The following OXR1 variants were observed in gnomAD, a reference collection of about 807,000 sequenced individuals.
OXR1 encodes oxidation resistance protein 1.
Under a neutral mutation model 104.6 loss-of-function variants are expected in OXR1, and 41 were observed. The ratio of observed to expected loss-of-function variants is 0.39; its 90% CI spans 0.31 to 0.51. The LOEUF (loss-of-function observed/expected upper bound fraction) is 0.51. Among genes scored for constraint, OXR1 ranks in the 20% least tolerant of loss-of-function variants. The probability of loss-of-function intolerance (pLI) is 0.77; values close to 1 mark genes in which losing one functional copy is unlikely to be tolerated. For missense variants in OXR1, 955 were observed against 1,031.9 expected (o/e 0.93, Z 1.02); for synonymous variants, 348 against 348.4 (o/e 1.00, Z 0.01).
chr8:106,607,571 G>C (rs1324795923), intron 3 of OXR1, among the ~76,000 whole-genome samples: 1 of 152,112 alleles, frequency 6.6e-6, no homozygotes, highest in East Asian at 1.9e-4. Context: ...ACTCCCTGGA[G>C]GTCTCAGGTC....
At position 106,411,129 on chromosome 8, in the gene OXR1, T is replaced by C. The variant is rs73701518; in HGVS notation, c.23+51493T>C. On this transcript the variant is annotated intron_variant, in intron 2 of 16. Transcript: ENST00000517566. ...AAAGCATTTTATGATATGGGACTGA[T>C]TTATAGAGAATTTGATCTAGTGTAC... 3.6e-3 allele frequency among the ~76,000 whole-genome samples: 554 copies of C among 152,234 alleles called. 6 individuals carry two copies. The highest frequency in any genetic ancestry group is 0.012 in the African/African-American group (493 of 41,542).
In OXR1 at chr8:106,505,990, C is replaced by A. The variant is rs1443855817; in HGVS notation, c.24-12953C>A. ...GCAGCATGGAGGCTTTGGTAACAGT[C>A]GAGAGAAATGATGACTAGGAAATGA... is the stretch of plus-strand genomic sequence containing the variant. On this transcript the variant is annotated intron_variant, in intron 2 of 16. Transcript: ENST00000517566. Among the ~76,000 whole-genome samples the A allele has an allele frequency of 2.0e-5, 3 of 151,962 alleles. No individual in the cohort carries two copies. The East Asian group carries it at 5.8e-4, about 29-fold the overall frequency.
At chr8:106,679,094 G>C (rs1321463647) in intron 3 of OXR1, 116 bp from the exon 4 acceptor site, 1 of 540,376 alleles carries the variant, frequency 1.9e-6, no homozygotes, top group Non-Finnish European at 3.3e-6. Context: ...GCATCCCAGG[G>C]AGTAAGCTGT....
intron 3 of OXR1, among the ~76,000 whole-genome samples, chr8:106,537,532 T>C (rs1284159189): frequency 1.3e-5 from 2 of 152,090 alleles, no homozygotes; most frequent in African/African-American, 4.8e-5. Flanking sequence ...TTAAGAATCC[T>C]AGGGTTGGGG....
intron 2 of OXR1, among the ~76,000 whole-genome samples, chr8:106,393,283 ACT>A (rs1218118833): frequency 6.6e-6 from 1 of 152,170 alleles, no homozygotes; most frequent in African/African-American, 2.4e-5. Flanking sequence ...AATTGATAAC[ACT>A]GTCTTTGCAT....
chr8:106,564,768 A>G (rs1203720139), intron 3 of OXR1, among the ~76,000 whole-genome samples: 1 of 152,086 alleles, frequency 6.6e-6, no homozygotes, highest in Admixed American at 6.6e-5. Context: ...AGCAGCCATT[A>G]AAAGTTTATC....
chr8:106,638,819 G>A (rs1823373891), intron 3 of OXR1, among the ~76,000 whole-genome samples: 1 of 151,702 alleles, frequency 6.6e-6, no homozygotes, highest in Non-Finnish European at 1.5e-5. Context: ...CTTGAACCTG[G>A]GAGGTTGAGG....
At chr8:106,677,360 A>G (rs967923857) in intron 3 of OXR1, among the ~76,000 whole-genome samples, 1 of 152,174 alleles carries the variant, frequency 6.6e-6, no homozygotes, top group Admixed American at 6.5e-5. Flanking sequence ...TTAGAGAAGC[A>G]AATTTAAATA....
At chr8:106,649,556 G>GAAAAAAAAA (rs34066181) in intron 3 of OXR1, among the ~76,000 whole-genome samples, 1 of 123,160 alleles carries the variant, frequency 8.1e-6, no homozygotes, top group Non-Finnish European at 1.7e-5. Flanking sequence ...TACTTTTTTG[G>GAAAAAAAAA]AAAAAAAAAA....
intron 2 of OXR1, among the ~76,000 whole-genome samples, chr8:106,380,177 T>G (rs1254755504): frequency 6.8e-6 from 1 of 147,184 alleles, no homozygotes; most frequent in Non-Finnish European, 1.5e-5. Flanking sequence ...ATGGATTTGC[T>G]TATTCTGGAT....
intron 2 of OXR1, among the ~76,000 whole-genome samples, chr8:106,372,133 G>T (rs2130378597): frequency 6.6e-6 from 1 of 152,352 alleles, no homozygotes; most frequent in African/African-American, 2.4e-5. Flanking sequence ...GGTTGGAACA[G>T]TAGGCCTGGT....
chr8:106,622,689 A>C (rs1012345962), intron 3 of OXR1, among the ~76,000 whole-genome samples: 4 of 152,132 alleles, frequency 2.6e-5, no homozygotes, highest in African/African-American at 9.7e-5. Flanking sequence ...CTTTTCAGTG[A>C]GACCTTCCCT....
chr8:106,517,092 G>A (rs572300898), intron 2 of OXR1, among the ~76,000 whole-genome samples: 13 of 152,052 alleles, frequency 8.5e-5, no homozygotes, highest in South Asian at 2.1e-4. Context: ...TCCAAAAATC[G>A]TAGATGGTTA....
At chr8:106,646,950 C>T (rs539060458) in intron 3 of OXR1, among the ~76,000 whole-genome samples, 7 of 152,182 alleles carry the variant, frequency 4.6e-5, no homozygotes, top group Non-Finnish European at 8.8e-5. Flanking sequence ...GAAACTGATC[C>T]AAAAGCTCCA....
At chr8:106,463,222 T>C (rs374448574) in intron 2 of OXR1, among the ~76,000 whole-genome samples, 31 of 152,244 alleles carry the variant, frequency 2.0e-4, no homozygotes, top group African/African-American at 6.5e-4. Flanking sequence ...CTTACTTAAA[T>C]GACTGTTTCA....
intron 2 of OXR1, among the ~76,000 whole-genome samples, chr8:106,425,396 T>C (rs1381312842): frequency 6.6e-6 from 1 of 152,120 alleles, no homozygotes; most frequent in Non-Finnish European, 1.5e-5. Flanking sequence ...TTATTTAGTT[T>C]TTAATATTAC....
intron 3 of OXR1, among the ~76,000 whole-genome samples, chr8:106,641,392 G>A (rs190848989): frequency 2.6e-5 from 4 of 152,308 alleles, no homozygotes; most frequent in Admixed American, 2.6e-4. Context: ...ATGAGATGGA[G>A]AAGCATCAGG....
chr8:106,435,453 G>A (rs1316338930), intron 2 of OXR1, among the ~76,000 whole-genome samples: 2 of 152,114 alleles, frequency 1.3e-5, no homozygotes, highest in South Asian at 2.1e-4. Context: ...GAGGATCTGC[G>A]ATGCTATGAA....
At chr8:106,331,214 C>T (rs1325011127) in intron 1 of OXR1, among the ~76,000 whole-genome samples, 1 of 152,112 alleles carries the variant, frequency 6.6e-6, no homozygotes, top group Non-Finnish European at 1.5e-5. Context: ...AGTAAACAAA[C>T]ATCTCATCCA....
Sources: gnomAD v4.1 joint callset for allele counts (sites outside exome capture counted in the v4.1 genomes callset) on GRCh38, gnomAD v4.1.1 for gene constraint, MANE v1.5 for transcripts, NCBI Gene and HGNC (gene_info 2026-07-23, HGNC 2026-07-21) for gene names.